Variants in STAG1 observed in about 807,000 individuals in gnomAD.
STAG1 encodes the protein cohesin subunit SA-1.
In STAG1, 26 loss-of-function variants were observed where a neutral mutation model predicts 170.9. The observed-to-expected ratio is 0.15, with a 90% CI of 0.11 to 0.21. The LOEUF is 0.21. Among genes scored for constraint, STAG1 ranks in the 10% least tolerant of loss-of-function variants. The pLI is 1.00. For synonymous variants in STAG1, 514 were observed against 497.7 expected (o/e 1.03, Z -0.44); for missense variants, 964 against 1,509.5 (o/e 0.64, Z 5.99).
intron 1 of STAG1, among the ~76,000 whole-genome samples, chr3:136,747,205 G>A (rs915323200): frequency 6.8e-5 from 10 of 146,582 alleles, no homozygotes; most frequent in Non-Finnish European, 1.2e-4. Context: ...CCTGGGAAGC[G>A]AAGGTTGCAG....
chr3:136,368,621 T>A (rs560484465), intron 24 of STAG1, among the ~76,000 whole-genome samples: 3 of 152,296 alleles, frequency 2.0e-5, no homozygotes, highest in East Asian at 1.9e-4. Flanking sequence ...TTTGTAATAG[T>A]TGAAGATTGG....
In STAG1 at chr3:136,596,647, T is replaced by C. The variant is rs1938441669; in HGVS notation, c.297+7662A>G. On this transcript the variant is annotated intron_variant, in intron 4 of 33. Transcript: ENST00000383202. ...GATGTTAAATAACCTTAAGTATATTTTCACACTTTATAAGTACTGTAGCAT... is the reference window on the plus strand; with the variant it reads ...GATGTTAAATAACCTTAAGTATATTCTCACACTTTATAAGTACTGTAGCAT... 2.6e-5 allele frequency among the ~76,000 whole-genome samples: 4 copies of C among 152,230 alleles called. No homozygotes were observed. The South Asian group carries it at 8.3e-4, about 31-fold the overall frequency.
chr3:136,714,968 ATATATATATTTT>A (rs1248775907), intron 1 of STAG1, among the ~76,000 whole-genome samples: 3 of 103,374 alleles, frequency 2.9e-5, no homozygotes, highest in South Asian at 5.5e-4. Flanking sequence ...TATATATTTT[ATATATATATTTT>A]TATATATATA....
intron 12 of STAG1, among the ~76,000 whole-genome samples, chr3:136,472,064 T>C (rs145505534): frequency 0.017 from 2,552 of 152,256 alleles, 38 homozygotes; most frequent in Non-Finnish European, 0.027. Context: ...CTTGAACCCC[T>C]GGGCTCAAGT....
intron 5 of STAG1, among the ~76,000 whole-genome samples, chr3:136,557,538 T>C (rs1352514071): frequency 1.3e-5 from 2 of 152,190 alleles, no homozygotes; most frequent in African/African-American, 4.8e-5. Flanking sequence ...TTTTAATTTT[T>C]ATTTTCACTT....
chr3:136,460,088 T>G (rs2089231749), intron 13 of STAG1, among the ~76,000 whole-genome samples: 1 of 152,116 alleles, frequency 6.6e-6, no homozygotes, highest in Non-Finnish European at 1.5e-5. Flanking sequence ...ACAATTGGTT[T>G]TTTAAAAAAT....
intron 16 of STAG1, among the ~76,000 whole-genome samples, chr3:136,427,287 A>G (rs1397838085): frequency 6.6e-6 from 1 of 152,142 alleles, no homozygotes; most frequent in Non-Finnish European, 1.5e-5. Context: ...TTTAGCACAC[A>G]TTCTACTACA....
intron 6 of STAG1, 95 bp from the exon 7 acceptor site, chr3:136,521,512 G>A (rs1331612776): frequency 1.9e-6 from 2 of 1,039,850 alleles, no homozygotes; most frequent in Non-Finnish European, 2.8e-6. Context: ...ACCCTTTTTT[G>A]CAAAGCAGTT....
chr3:136,445,680 A>T (rs2088758026), intron 14 of STAG1, among the ~76,000 whole-genome samples: 1 of 152,214 alleles, frequency 6.6e-6, no homozygotes, highest in Non-Finnish European at 1.5e-5. Context: ...TAGAATAGGT[A>T]TATGAAGATT....
chr3:136,495,723 T>A (rs537097003), intron 9 of STAG1, among the ~76,000 whole-genome samples: 16 of 151,974 alleles, frequency 1.1e-4, no homozygotes, highest in South Asian at 6.2e-4. Flanking sequence ...AATTCCAGCA[T>A]GTTGGGAGGC....
chr3:136,595,990 C>A (rs1223706637), intron 4 of STAG1, among the ~76,000 whole-genome samples: 1 of 152,154 alleles, frequency 6.6e-6, no homozygotes, highest in Non-Finnish European at 1.5e-5. Flanking sequence ...CAGATTTTAT[C>A]TTTGCATTTC....
intron 2 of STAG1, among the ~76,000 whole-genome samples, chr3:136,623,899 G>A (rs377511238): frequency 3.4e-4 from 51 of 152,092 alleles, no homozygotes; most frequent in African/African-American, 1.0e-3. Flanking sequence ...GCAGTGAGCC[G>A]AGATTACGCC....
At chr3:136,418,385 AAAAAAAAAAAAAAAAG>A in intron 20 of STAG1, among the ~76,000 whole-genome samples, 1 of 117,320 alleles carries the variant, frequency 8.5e-6, no homozygotes, top group Admixed American at 8.3e-5. Context: ...AAAAAAAAAA[AAAAAAAAAAAAAAAAG>A]GTTTTTTTCA....
At chr3:136,531,834 G>A (rs1274911635) in intron 6 of STAG1, among the ~76,000 whole-genome samples, 33 of 148,980 alleles carry the variant, frequency 2.2e-4, no homozygotes, top group Admixed American at 1.2e-3. Flanking sequence ...TGGGTGCAGC[G>A]CACCAGCATG....
rs1935783503 is a variant in STAG1 at position 136,338,293 on chromosome 3, G to A, written c.3754-16C>T. The A allele has an allele frequency of 6.2e-7, 1 of 1,602,320 alleles. No individual in the cohort carries two copies. The highest frequency in any genetic ancestry group is 1.3e-5 in the African/African-American group (1 of 74,374). ...TTCCAAATCCCTAGAAAAATGATGA[G>A]AAACATAATTATTAATTTCATGCAT... On this transcript the variant is annotated splice_polypyrimidine_tract_variant and intron_variant, in intron 33 of 33. Coordinates refer to ENST00000383202, the MANE Select transcript of STAG1 (RefSeq NM_005862.3).
intron 1 of STAG1, among the ~76,000 whole-genome samples, chr3:136,692,674 A>G (rs960574982): frequency 2.6e-5 from 4 of 152,172 alleles, no homozygotes; most frequent in Admixed American, 2.0e-4. Flanking sequence ...ATTTACTATC[A>G]GTTGATATGA....
chr3:136,377,589 T>C, intron 23 of STAG1, 71 bp downstream of exon 23: 1 of 1,301,652 alleles, frequency 7.7e-7, no homozygotes, highest in Non-Finnish European at 1.1e-6. Context: ...CCATAAAAAA[T>C]TGTATCTTCT....
At chr3:136,677,040 T>TC (rs1942147979) in intron 1 of STAG1, among the ~76,000 whole-genome samples, 1 of 152,116 alleles carries the variant, frequency 6.6e-6, no homozygotes, top group South Asian at 2.1e-4. Context: ...TAACAATACC[T>TC]TCCCTCTAGA....
intron 22 of STAG1, among the ~76,000 whole-genome samples, chr3:136,391,369 T>TC (rs1491362553): frequency 5.1e-5 from 1 of 19,690 alleles, no homozygotes; most frequent in Admixed American, 7.2e-4. Context: ...TTTAGCCCTC[T>TC]TTTTTTTTTT....
Sources: gnomAD v4.1 joint callset for allele counts (sites outside exome capture counted in the v4.1 genomes callset) on GRCh38, gnomAD v4.1.1 for gene constraint, MANE v1.5 for transcripts, NCBI Gene and HGNC (gene_info 2026-07-23, HGNC 2026-07-21) for gene names.